Variants in OSBPL9 observed in about 807,000 individuals in gnomAD.
OSBPL9 encodes oxysterol-binding protein-related protein 9.
In OSBPL9, 40 loss-of-function variants were observed where a neutral mutation model predicts 106.6. That is an observed-to-expected ratio of 0.38 (90% CI 0.29 to 0.49). The LOEUF (loss-of-function observed/expected upper bound fraction) is 0.49, where lower values mean the gene tolerates loss of function less well. OSBPL9 is among the 20% of genes least tolerant of loss of function. The pLI is 0.97. For synonymous variants in OSBPL9, 269 were observed against 295.4 expected, an observed-to-expected ratio of 0.91 and a Z score of 0.92; for missense variants, 609 against 887.2, an observed-to-expected ratio of 0.69 and a Z score of 3.98.
chr1:51,664,138 A>G (rs1000102357), intron 2 of OSBPL9, among the ~76,000 whole-genome samples: 37 of 152,350 alleles, frequency 2.4e-4, no homozygotes, highest in Non-Finnish European at 5.3e-4. Context: ...TGTATTTAAT[A>G]TAAATACATG....
chr1:51,752,897 A>G (rs1669571972), intron 8 of OSBPL9, among the ~76,000 whole-genome samples: 1 of 152,172 alleles, frequency 6.6e-6, no homozygotes, highest in South Asian at 2.1e-4. Flanking sequence ...CTTTGGGGTT[A>G]GGGCTTCAAC....
chr1:51,652,242 C>T (rs1646562482), intron 2 of OSBPL9, among the ~76,000 whole-genome samples: 1 of 152,038 alleles, frequency 6.6e-6, no homozygotes, highest in Non-Finnish European at 1.5e-5. Context: ...TTATTTTGGC[C>T]CATGATTCAA....
At chr1:51,650,069 GT>G (rs1646420258) in intron 1 of OSBPL9, among the ~76,000 whole-genome samples, 1 of 151,972 alleles carries the variant, frequency 6.6e-6, no homozygotes, top group African/African-American at 2.4e-5. Flanking sequence ...TAGAGATAGA[GT>G]TTCGCCATGT....
At chr1:51,745,428 T>C (rs1045627233) in intron 4 of OSBPL9, 108 bp from the exon 5 acceptor site, 2 of 1,472,482 alleles carry the variant, frequency 1.4e-6, no homozygotes, top group African/African-American at 2.9e-5. Flanking sequence ...AAAATAGAAC[T>C]GTATTTTAAA....
chr1:51,592,662 G>A (rs747129211), intron 1 of OSBPL9, among the ~76,000 whole-genome samples: 6 of 152,204 alleles, frequency 3.9e-5, no homozygotes, highest in East Asian at 1.9e-4. Flanking sequence ...AGGTGAGGTC[G>A]TGCAGACCAA....
the OSBPL9 span, chr1:51,519,155 G>A: frequency 7.2e-7 from 1 of 1,384,644 alleles, no homozygotes; most frequent in Non-Finnish European, 9.6e-7. Flanking sequence ...GTGGGGGAGG[G>A]GGCACCGGCC....
intron 3 of OSBPL9, among the ~76,000 whole-genome samples, chr1:51,678,739 A>AT (rs1333107922): frequency 1.3e-5 from 2 of 152,242 alleles, no homozygotes; most frequent in East Asian, 3.8e-4. Flanking sequence ...AAAGTGTTTA[A>AT]TTCAGAGAAG....
At chr1:51,783,253 T>C (rs1000560167) in intron 17 of OSBPL9, among the ~76,000 whole-genome samples, 2 of 152,038 alleles carry the variant, frequency 1.3e-5, no homozygotes, top group Non-Finnish European at 2.9e-5. Flanking sequence ...CAATCATAGC[T>C]CACTGCAGCC....
At chr1:51,701,024 C>G (rs1029432958) in intron 3 of OSBPL9, among the ~76,000 whole-genome samples, 1 of 152,136 alleles carries the variant, frequency 6.6e-6, no homozygotes, top group Admixed American at 6.5e-5. Flanking sequence ...ACTGCAACCT[C>G]TGCCTCCCCA....
chr1:51,666,488 A>C (rs191555752), intron 2 of OSBPL9, among the ~76,000 whole-genome samples: 2 of 152,256 alleles, frequency 1.3e-5, no homozygotes, highest in Non-Finnish European at 2.9e-5. Context: ...TCATATTTCA[A>C]ATGTTCAGTA....
At chr1:51,606,295 T>G (rs188494820) in intron 2 of OSBPL9, among the ~76,000 whole-genome samples, 1 of 152,348 alleles carries the variant, frequency 6.6e-6, no homozygotes, top group African/African-American at 2.4e-5. Flanking sequence ...CAACACAGAC[T>G]CTGAGATCCT....
At chr1:51,620,765 T>C (rs1644377421) in intron 1 of OSBPL9, among the ~76,000 whole-genome samples, 2 of 152,228 alleles carry the variant, frequency 1.3e-5, no homozygotes, top group African/African-American at 2.4e-5. Context: ...ATTTGAACTT[T>C]ATCCCCAGGG....
the OSBPL9 span, among the ~76,000 whole-genome samples, chr1:51,548,719 A>T: frequency 6.6e-6 from 1 of 152,198 alleles, no homozygotes; most frequent in Admixed American, 6.6e-5. Context: ...GTGTATGCAC[A>T]GTCAATCAAA....
upstream of OSBPL9, chr1:51,574,082 G>C (rs12065740): frequency 6.6e-6 from 1 of 152,082 alleles, no homozygotes; most frequent in Non-Finnish European, 1.5e-5. Context: ...AAAAAAGAAC[G>C]TAAAGACAAA....
At chr1:51,563,081 G>A in the OSBPL9 span, among the ~76,000 whole-genome samples, 3 of 152,004 alleles carry the variant, frequency 2.0e-5, no homozygotes, top group African/African-American at 7.2e-5. Context: ...GTGGTGGCAC[G>A]TGCCTGTAGT....
At chr1:51,650,901 G>T (rs940572085) in intron 1 of OSBPL9, among the ~76,000 whole-genome samples, 1 of 152,182 alleles carries the variant, frequency 6.6e-6, no homozygotes, top group Admixed American at 6.5e-5. Flanking sequence ...GCTCAGTTTA[G>T]TAAGAGACAC....
At chr1:51,580,884 T>C (rs1645216114) in intron 1 of OSBPL9, among the ~76,000 whole-genome samples, 1 of 113,098 alleles carries the variant, frequency 8.8e-6, no homozygotes, top group African/African-American at 3.2e-5. Flanking sequence ...TGTATTTCCT[T>C]CTAGCCATTA....
intron 8 of OSBPL9, among the ~76,000 whole-genome samples, chr1:51,750,646 T>G (rs915386324): frequency 3.3e-5 from 5 of 152,232 alleles, no homozygotes. Flanking sequence ...TCCTTATTCA[T>G]GAAACAAAAT....
chr1:51,705,909 T>A (rs1658443456), intron 3 of OSBPL9, among the ~76,000 whole-genome samples: 1 of 152,232 alleles, frequency 6.6e-6, no homozygotes, highest in Non-Finnish European at 1.5e-5. Flanking sequence ...TTATTCTTAG[T>A]ACATTCCACT....
Sources: gnomAD v4.1 joint callset for allele counts (sites outside exome capture counted in the v4.1 genomes callset) on GRCh38, gnomAD v4.1.1 for gene constraint, MANE v1.5 for transcripts, NCBI Gene and HGNC (gene_info 2026-07-23, HGNC 2026-07-21) for gene names.